KIAA1958: variants seen among roughly 807,000 people sequenced by gnomAD.
KIAA1958 encodes the protein uncharacterized protein KIAA1958.
A neutral mutation model predicts 47.2 loss-of-function variants in KIAA1958; 14 were observed. That is an observed-to-expected ratio of 0.30 (90% CI 0.20 to 0.46). The LOEUF is 0.46. Ranked by LOEUF, KIAA1958 falls within the 20% of genes least tolerant of loss-of-function variation. KIAA1958 has a pLI of 1.00. For missense variants in KIAA1958, 803 were observed against 909.2 expected, an observed-to-expected ratio of 0.88 and a Z score of 1.50; for synonymous variants, 354 against 353.3, an observed-to-expected ratio of 1.00 and a Z score of -0.02.
chr9:112,631,445 G>GAGC (rs1836704255), intron 2 of KIAA1958, among the ~76,000 whole-genome samples: 1 of 147,668 alleles, frequency 6.8e-6, no homozygotes. Context: ...AGGATTGTTT[G>GAGC]AGCCCAGGAA....
At chr9:112,519,009 G>A (rs574951343) in intron 1 of KIAA1958, among the ~76,000 whole-genome samples, 29 of 152,138 alleles carry the variant, frequency 1.9e-4, no homozygotes, top group African/African-American at 3.4e-4. Flanking sequence ...AGCTCAGTGC[G>A]GCCTTGAACT....
intron 1 of KIAA1958, among the ~76,000 whole-genome samples, chr9:112,551,120 T>C (rs1835136706): frequency 2.0e-5 from 3 of 151,854 alleles, no homozygotes; most frequent in Non-Finnish European, 4.4e-5. Flanking sequence ...GTGTAAAATA[T>C]ATATAATATA....
chr9:112,575,723 T>C (rs1455061607), intron 2 of KIAA1958, among the ~76,000 whole-genome samples: 3 of 152,130 alleles, frequency 2.0e-5, no homozygotes, highest in African/African-American at 7.2e-5. Flanking sequence ...GTTGCTCTGG[T>C]AGTTAATAAG....
At chr9:112,624,580 T>C (rs752720629) in intron 2 of KIAA1958, among the ~76,000 whole-genome samples, 1 of 152,260 alleles carries the variant, frequency 6.6e-6, no homozygotes, top group Non-Finnish European at 1.5e-5. Context: ...ACTCTAATTT[T>C]ACTTTTCTAA....
chr9:112,546,787 T>C (rs1835042099), intron 1 of KIAA1958, among the ~76,000 whole-genome samples: 1 of 152,122 alleles, frequency 6.6e-6, no homozygotes, highest in African/African-American at 2.4e-5. Context: ...CTCTCTGCCC[T>C]GTGTAATTTA....
intron 1 of KIAA1958, among the ~76,000 whole-genome samples, chr9:112,530,079 G>A (rs1003823351): frequency 6.6e-6 from 1 of 152,098 alleles, no homozygotes; most frequent in Non-Finnish European, 1.5e-5. Context: ...TCCTGACCTC[G>A]TGATCCACCC....
chr9:112,578,328 G>A (rs1835684040), intron 2 of KIAA1958, among the ~76,000 whole-genome samples: 1 of 152,154 alleles, frequency 6.6e-6, no homozygotes, highest in South Asian at 2.1e-4. Context: ...GTATGTGAAT[G>A]ACTTGGTTAC....
At position 112,550,487 on chromosome 9, in the gene KIAA1958, C is replaced by G. The variant is rs559991525; in HGVS notation, c.-24-23570C>G. On this transcript the variant is annotated intron_variant, in intron 1 of 3. Transcript: ENST00000337530. The stretch of plus-strand genomic sequence containing the variant: ...GACTGGGGCTTTGTGTTGGGGTCCT[C>G]AAGACCACCTCAGGCTGTGATTCAC... Among the ~76,000 whole-genome samples the G allele has an allele frequency of 2.0e-5, 3 of 152,260 alleles. No individual in the cohort carries two copies. In the East Asian group the frequency reaches 5.8e-4, roughly 29 times the overall value.
At chr9:112,501,429 C>G (rs72762269) in intron 1 of KIAA1958, among the ~76,000 whole-genome samples, 1 of 151,796 alleles carries the variant, frequency 6.6e-6, no homozygotes, top group East Asian at 1.9e-4. Flanking sequence ...GGCAACAAAG[C>G]GAGATCCTGT....
chr9:112,538,241 A>C (rs573299883), intron 1 of KIAA1958, among the ~76,000 whole-genome samples: 2 of 152,288 alleles, frequency 1.3e-5, no homozygotes, highest in East Asian at 3.9e-4. Context: ...GCTACTCTGG[A>C]GGCTGAGGTG....
At chr9:112,624,915 G>A (rs1216321981) in intron 2 of KIAA1958, among the ~76,000 whole-genome samples, 2 of 152,174 alleles carry the variant, frequency 1.3e-5, no homozygotes, top group African/African-American at 2.4e-5. Context: ...GCTGTGAAGA[G>A]TAGGAGTCAC....
chr9:112,620,472 G>A (rs1323111245), intron 2 of KIAA1958, among the ~76,000 whole-genome samples: 1 of 152,126 alleles, frequency 6.6e-6, no homozygotes, highest in African/African-American at 2.4e-5. Flanking sequence ...GCTCTCCCAT[G>A]GTCAGGGAAC....
At chr9:112,589,148 C>A (rs936005891) in intron 2 of KIAA1958, among the ~76,000 whole-genome samples, 5 of 152,196 alleles carry the variant, frequency 3.3e-5, no homozygotes, top group African/African-American at 7.2e-5. Flanking sequence ...CAAAAACTCC[C>A]ACATCTTTTT....
intron 1 of KIAA1958, among the ~76,000 whole-genome samples, chr9:112,526,676 G>T (rs904662683): frequency 1.3e-5 from 2 of 152,182 alleles, no homozygotes; most frequent in Admixed American, 1.3e-4. Flanking sequence ...AGGCAAGATG[G>T]TAAGAGAGAG....
chr9:112,500,488 C>T (rs939656954), intron 1 of KIAA1958, among the ~76,000 whole-genome samples: 1 of 149,112 alleles, frequency 6.7e-6, no homozygotes, highest in Non-Finnish European at 1.5e-5. Flanking sequence ...TAAGGTGTCA[C>T]TATGTTGCCC....
intron 1 of KIAA1958, among the ~76,000 whole-genome samples, chr9:112,489,230 T>G (rs1833920548): frequency 2.6e-5 from 4 of 152,240 alleles, no homozygotes; most frequent in African/African-American, 9.6e-5. Flanking sequence ...GTACTCTTCC[T>G]TAGCTCTTTA....
In KIAA1958 at chr9:112,499,706, T is replaced by C. The variant is rs563262365; in HGVS notation, c.-25+12588T>C. Among the ~76,000 whole-genome samples, 3 of 149,598 alleles carry C rather than the reference T, an allele frequency of 2.0e-5. No homozygotes were observed. The South Asian group carries it at 6.3e-4, about 31-fold the overall frequency. On this transcript the variant is annotated intron_variant, in intron 1 of 3. Coordinates refer to ENST00000337530, the MANE Select transcript of KIAA1958 (RefSeq NM_133465.4). ...TTTTTTTCTTTTTTTTTTTTTTTTT[T>C]GAGACAGAGTTTCGCTCTGTCATCC...
Position 112,618,499 on chromosome 9 carries a change from G to T in KIAA1958, c.1172-27151G>T, listed in dbSNP as rs778592106. The T allele has an allele frequency of 1.3e-6, 2 of 1,550,610 alleles. No homozygotes were observed. Among genetic ancestry groups the T allele is most frequent in the African/African-American group, 2.7e-5 (2 of 73,054 alleles). ...TGAATGCCAAAACCAAGAGAGGGGG[G>T]ACAGACTCCCGTGTGTATGCCACCC... On this transcript the variant is annotated intron_variant, in intron 2 of 3. Coordinates refer to ENST00000337530, the MANE Select transcript of KIAA1958 (RefSeq NM_133465.4). This position sits in a 1 kb window ranked among gnomAD's most constrained non-coding sequence, Gnocchi z 7.1.
rs146662770 is a variant in KIAA1958, at chr9:112,574,644, G to T, written c.564G>T (p.Thr188=). Residue 188 remains threonine (T), a synonymous_variant, in exon 2 of 4, where the codon ACG becomes ACT. Coordinates refer to ENST00000337530, the MANE Select transcript of KIAA1958 (RefSeq NM_133465.4). Reference sequence around the variant, plus strand: ...CTTCCCTCCATTCAAGCTCCCAGACGCAGATGGTTGACGAATGCAGCAATG... The same window carrying T: ...CTTCCCTCCATTCAAGCTCCCAGACTCAGATGGTTGACGAATGCAGCAATG... ...VPSSLHSSSQ[T]QMVDECSNDV... 5 of 1,614,132 alleles carry T rather than the reference G, an allele frequency of 3.1e-6. No individual in the cohort carries two copies. Among genetic ancestry groups the T allele is most frequent in the Non-Finnish European group, 2.5e-6 (3 of 1,180,018 alleles).
Sources: gnomAD v4.1 joint callset for allele counts (sites outside exome capture counted in the v4.1 genomes callset) on GRCh38, gnomAD v4.1.1 for gene constraint, Gnocchi (gnomAD v3.1) non-coding constraint, MANE v1.5 for transcripts, NCBI Gene and HGNC (gene_info 2026-07-23, HGNC 2026-07-21) for gene names.